Variants in DNAH9 observed in about 807,000 individuals in gnomAD.
DNAH9 encodes the protein dynein axonemal heavy chain 9, also known as DNAH9 variant protein.
Under a neutral mutation model 471.6 loss-of-function variants are expected in DNAH9, and 345 were observed. The observed-to-expected ratio is 0.73, with a 90% confidence interval of 0.67 to 0.80. The LOEUF (loss-of-function observed/expected upper bound fraction) is 0.80, where lower values mean the gene tolerates loss of function less well. Among genes scored for constraint, DNAH9 ranks in the 30% least tolerant of loss-of-function variants. The pLI is 0.00. For synonymous variants in DNAH9, 2,093 were observed against 2,123.6 expected, an observed-to-expected ratio of 0.99 and a Z score of 0.40; for missense variants, 5,407 against 5,609.2, an observed-to-expected ratio of 0.96 and a Z score of 1.15.
chr17:11,740,035 T>G (rs2075409118), intron 29 of DNAH9, among the ~76,000 whole-genome samples: 1 of 152,136 alleles, frequency 6.6e-6, no homozygotes, highest in Admixed American at 6.5e-5. Context: ...CATGGCAAAT[T>G]CCCGTGTCGC....
chr17:11,817,536 G>T (rs1252903274), intron 45 of DNAH9, among the ~76,000 whole-genome samples: 1 of 152,180 alleles, frequency 6.6e-6, no homozygotes, highest in African/African-American at 2.4e-5. Flanking sequence ...CTCTGTCCTT[G>T]TAGGGCAAAA....
In DNAH9 at chr17:11,810,227, A is replaced by G; in HGVS notation, c.8584-19A>G. The G allele has an allele frequency of 6.2e-7, 1 of 1,601,726 alleles. No homozygotes were observed. The highest frequency in any genetic ancestry group is 1.7e-5 in the Admixed American group (1 of 57,174). ...GAGGCCTTCTTTTCAGAGATTTCTG[A>G]TATTGACCATTCCTACAGATGGACC... On this transcript the variant is annotated intron_variant, in intron 44 of 68. Coordinates refer to ENST00000262442, the MANE Select transcript of DNAH9 (RefSeq NM_001372.4).
intron 45 of DNAH9, among the ~76,000 whole-genome samples, chr17:11,821,542 A>G (rs966937807): frequency 2.6e-5 from 4 of 151,914 alleles, no homozygotes; most frequent in South Asian, 2.1e-4. Context: ...TCTTTTAGGT[A>G]TTTTGGATCC....
intron 1 of DNAH9, among the ~76,000 whole-genome samples, chr17:11,601,966 G>C (rs1215908353): frequency 6.6e-6 from 1 of 152,032 alleles, no homozygotes; most frequent in Non-Finnish European, 1.5e-5. Context: ...ACGAGTACAA[G>C]GTAAAAAAGG....
intron 2 of DNAH9, among the ~76,000 whole-genome samples, chr17:11,608,790 TC>T (rs2072564419): frequency 6.6e-6 from 1 of 152,146 alleles, no homozygotes; most frequent in Non-Finnish European, 1.5e-5. Flanking sequence ...TTTTTACAGG[TC>T]CTGGGGATTT....
chr17:11,630,999 A>G (rs2073055347), intron 7 of DNAH9, among the ~76,000 whole-genome samples: 1 of 152,228 alleles, frequency 6.6e-6, no homozygotes, highest in Admixed American at 6.5e-5. Flanking sequence ...AAGAACAGGC[A>G]CACCTGGACA....
chr17:11,886,510 T>TC (rs1186988906), intron 56 of DNAH9, among the ~76,000 whole-genome samples: 1 of 150,920 alleles, frequency 6.6e-6, no homozygotes, highest in Non-Finnish European at 1.5e-5. Context: ...GTCATACTTT[T>TC]TTTTTTTTTT....
intron 27 of DNAH9, among the ~76,000 whole-genome samples, chr17:11,727,517 A>G (rs1271269708): frequency 6.6e-6 from 1 of 152,200 alleles, no homozygotes; most frequent in Non-Finnish European, 1.5e-5. Flanking sequence ...AAGAAAAATC[A>G]TCTTTTATTC....
At chr17:11,656,530 A>G (rs1157042028) in intron 14 of DNAH9, among the ~76,000 whole-genome samples, 1 of 152,172 alleles carries the variant, frequency 6.6e-6, no homozygotes, top group African/African-American at 2.4e-5. Context: ...GTGTGGATGC[A>G]CCAGGATTTG....
At chr17:11,818,439 AAAAG>A (rs1172385532) in intron 45 of DNAH9, among the ~76,000 whole-genome samples, 21 of 147,612 alleles carry the variant, frequency 1.4e-4, no homozygotes, top group Non-Finnish European at 2.1e-4. Flanking sequence ...AAAAAAAAAA[AAAAG>A]AAGAGAAAAG....
At chr17:11,879,192 G>C (rs1362326700) in intron 53 of DNAH9, among the ~76,000 whole-genome samples, 2 of 152,024 alleles carry the variant, frequency 1.3e-5, no homozygotes, top group East Asian at 3.8e-4. Flanking sequence ...AAATGAGAGG[G>C]CGGGGTAGGA....
At chr17:11,837,908 G>C (rs967972551) in intron 49 of DNAH9, among the ~76,000 whole-genome samples, 3 of 152,156 alleles carry the variant, frequency 2.0e-5, no homozygotes, top group Non-Finnish European at 4.4e-5. Flanking sequence ...CCTCTGCATA[G>C]AAGGTTCATC....
In DNAH9 at chr17:11,784,343, C is replaced by T. The variant is rs745694566; in HGVS notation, c.7865C>T (p.Ala2622Val). The change falls in exon 41 of 69, where the codon GCC (alanine) becomes GTC (valine). Residue 2622 changes from alanine (A) to valine (V), a missense_variant. Physicochemically the swap from Ala to Val is moderately conservative, Grantham distance 64 (BLOSUM62 0). Transcript: ENST00000262442. Reference protein sequence around the residue: ...VFVLSFPGADALSSIYSIILT... With the variant: ...VFVLSFPGADVLSSIYSIILT... ...GTCCTCTCCTTCCCGGGGGCAGATG[C>T]CCTGTCCTCTATCTACAGCATCATC... The T allele has an allele frequency of 1.2e-6, 2 of 1,614,058 alleles. No individual in the cohort carries two copies. Among genetic ancestry groups the T allele is most frequent in the African/African-American group, 1.3e-5 (1 of 74,918 alleles).
At chr17:11,703,107 G>C (rs1459791380) in intron 24 of DNAH9, among the ~76,000 whole-genome samples, 2 of 137,318 alleles carry the variant, frequency 1.5e-5, no homozygotes, top group African/African-American at 3.0e-5. Flanking sequence ...AAAAAAAAAA[G>C]AAAAGAAAAG....
At chr17:11,642,075 TCTG>T (rs1045076090) in intron 10 of DNAH9, among the ~76,000 whole-genome samples, 1 of 152,028 alleles carries the variant, frequency 6.6e-6, no homozygotes, top group African/African-American at 2.4e-5. Flanking sequence ...CAGCGGTACT[TCTG>T]CAGCAGCCAA....
In DNAH9 at chr17:11,869,277, G is replaced by C. The variant is rs140362030; in HGVS notation, c.10053+24G>C. On this transcript the variant is annotated intron_variant, in intron 51 of 68. Coordinates refer to ENST00000262442, the MANE Select transcript of DNAH9 (RefSeq NM_001372.4). Reference sequence around the variant, plus strand: ...TGGTGAGTGTAAGCCACAGCAGCCCGAGCTGTAATTATATTAGCAGGCTTG... The same window carrying C: ...TGGTGAGTGTAAGCCACAGCAGCCCCAGCTGTAATTATATTAGCAGGCTTG... The C allele has an allele frequency of 2.5e-6, 4 of 1,610,060 alleles. No individual in the cohort carries two copies. In the African/African-American group the frequency reaches 4.0e-5, roughly 16 times the overall value.
intron 36 of DNAH9, among the ~76,000 whole-genome samples, chr17:11,767,721 C>A (rs137893302): frequency 2.0e-5 from 3 of 151,690 alleles, no homozygotes; most frequent in African/African-American, 7.3e-5. Flanking sequence ...TGTGTTTGGA[C>A]ACAATAAGAT....
In DNAH9 at chr17:11,687,788, G is replaced by C. The variant is rs1169012830; in HGVS notation, c.3744-1778G>C. Reference sequence around the variant, plus strand: ...TGAGTATAATAAAGTGGGGTTGGAGGAGAAAATGAGAGGGTCCTTGAACAC... The same window carrying C: ...TGAGTATAATAAAGTGGGGTTGGAGCAGAAAATGAGAGGGTCCTTGAACAC... On this transcript the variant is annotated intron_variant, in intron 19 of 68. Transcript: ENST00000262442. Among the ~76,000 whole-genome samples, 4 of 152,034 alleles carry C rather than the reference G, an allele frequency of 2.6e-5. No homozygotes were observed. In the East Asian group the frequency reaches 7.7e-4, roughly 29 times the overall value.
intron 39 of DNAH9, among the ~76,000 whole-genome samples, chr17:11,781,847 A>C (rs575936760): frequency 0.029 from 4,093 of 142,842 alleles, 335 homozygotes; most frequent in African/African-American, 0.11. Context: ...AAAAAAACAA[A>C]CAAAAAAAAA....
Sources: allele counts gnomAD v4.1 joint callset (sites outside exome capture counted in the v4.1 genomes callset), GRCh38; gene constraint gnomAD v4.1.1; transcripts MANE v1.5; gene names NCBI Gene and HGNC (gene_info 2026-07-23, HGNC 2026-07-21).